FGD5: variants seen among roughly 807,000 people sequenced by gnomAD.
The protein encoded by FGD5 is FYVE, RhoGEF and PH domain containing 5.
FGD5 carries 28 observed loss-of-function variants against 133.4 expected under a neutral mutation model. The observed-to-expected ratio is 0.21, with a 90% CI of 0.16 to 0.29. FGD5 has a LOEUF of 0.29. Among genes scored for constraint, FGD5 ranks in the 10% least tolerant of loss-of-function variants. FGD5 has a pLI of 1.00. For missense variants in FGD5, 1,858 were observed against 1,895.2 expected (o/e 0.98, Z 0.36); for synonymous variants, 810 against 776.5 (o/e 1.04, Z -0.72).
At chr3:14,826,105 C>T (rs1271795672) in intron 1 of FGD5, among the ~76,000 whole-genome samples, 1 of 152,194 alleles carries the variant, frequency 6.6e-6, no homozygotes, top group African/African-American at 2.4e-5. Flanking sequence ...TATACATCAG[C>T]ACAGATCCCT....
intron 4 of FGD5, among the ~76,000 whole-genome samples, chr3:14,881,542 C>T (rs763793363): frequency 1.3e-5 from 2 of 152,134 alleles, no homozygotes; most frequent in Non-Finnish European, 2.9e-5. Flanking sequence ...TAGGCCATAG[C>T]GAAGCGTGAG....
At chr3:14,827,980 A>G (rs2036634941) in intron 1 of FGD5, among the ~76,000 whole-genome samples, 1 of 152,196 alleles carries the variant, frequency 6.6e-6, no homozygotes. Flanking sequence ...CTCGAATTAC[A>G]TGCCCAGGAG....
At position 14,910,940 on chromosome 3, in the gene FGD5, G is replaced by A. The variant is rs113256802; in HGVS notation, c.3405+11G>A. ...CGGCACCTATTTCTGGTAAGTGCCC[G>A]GTCCCCAAGCCCAGCTCAGGAACTG... On this transcript the variant is annotated intron_variant, in intron 11 of 19. Transcript: ENST00000285046. 733 of 1,608,712 alleles carry A rather than the reference G, an allele frequency of 4.6e-4. 2 individuals are homozygous for A. In the African/African-American group the frequency reaches 7.3e-3, roughly 16 times the overall value.
intron 2 of FGD5, among the ~76,000 whole-genome samples, chr3:14,871,084 A>T (rs2037598526): frequency 6.6e-6 from 1 of 152,136 alleles, no homozygotes; most frequent in Admixed American, 6.5e-5. Flanking sequence ...GGCTGGCTAC[A>T]GGTCTCAATT....
At position 14,932,694 on chromosome 3, in the gene FGD5, T is replaced by A; in HGVS notation, c.4315T>A (p.Tyr1439Asn). ...CCTTTACCACAAGAAAACCCTATTT[T>A]ATAGCTTCAAAGCAGAAGATACCAA... Reference protein sequence around the residue: ...FHLYHKKTLFYSFKAEDTNSA... With the variant: ...FHLYHKKTLFNSFKAEDTNSA... The change falls in exon 19 of 20, where the codon TAT becomes AAT. Residue 1439 changes from tyrosine to asparagine, a missense_variant. Tyr to Asn is a moderately radical substitution (Grantham distance 143). Coordinates refer to ENST00000285046, the MANE Select transcript of FGD5 (RefSeq NM_152536.4). 1 of 1,613,990 alleles carries A rather than the reference T, an allele frequency of 6.2e-7. No homozygotes were observed. Among genetic ancestry groups the A allele is most frequent in the Non-Finnish European group, 8.5e-7 (1 of 1,179,888 alleles).
rs916491134 is a variant in FGD5 at position 14,920,639 on chromosome 3, A to G, written c.3570-1279A>G. 7.2e-5 allele frequency among the ~76,000 whole-genome samples: 11 copies of G among 152,218 alleles called. 1 individual carries two copies. Among genetic ancestry groups the G allele is most frequent in the Admixed American group, 6.5e-4 (10 of 15,290 alleles). On this transcript the variant is annotated intron_variant, in intron 13 of 19. Transcript: ENST00000285046. ...ATGCAGGGCAGTAACTGCTGTAACA[A>G]TTAATAGTGGTAATGACAGCAGTAA...
Position 14,820,971 on chromosome 3 carries a change from C to T in FGD5, c.1900C>T (p.Pro634Ser), listed in dbSNP as rs141279085. ...ITKKPITKSS[P>S]SLLIESDSPD... is the part of the protein sequence containing the mutation. ...CAAGAAGCCCATCACAAAGAGCTCT[C>T]CCTCACTCCTGATCGAGAGCGACTC... The change falls in exon 1 of 20, where the codon CCC becomes TCC. Residue 634 changes from proline (P) to serine (S), a missense_variant. Coordinates refer to ENST00000285046, the MANE Select transcript of FGD5 (RefSeq NM_152536.4). The T allele has an allele frequency of 6.2e-7, 1 of 1,613,902 alleles. No individual in the cohort carries two copies. The highest frequency in any genetic ancestry group is 1.7e-5 in the Admixed American group (1 of 60,020).
In FGD5 at chr3:14,917,144, A is replaced by C; in HGVS notation, c.3406-105A>C. 1 of 988,364 alleles carries C rather than the reference A, an allele frequency of 1.0e-6. No individual in the cohort carries two copies. The highest frequency in any genetic ancestry group is 1.5e-6 in the Non-Finnish European group (1 of 671,910). The allele number at this position is 988,364 out of a possible 1,614,324, so 61.2% of individuals were successfully genotyped here. A position where few individuals can be genotyped will look rare whatever the true frequency, so the allele number is the denominator to read the frequency against. ...GCTCACCTGTGGGGGTTACTGAGGA[A>C]TACAAGATGCCTGTGCACAGCGGAG... is the stretch of plus-strand genomic sequence containing the variant. On this transcript the variant is annotated intron_variant, in intron 11 of 19. Coordinates refer to ENST00000285046, the MANE Select transcript of FGD5 (RefSeq NM_152536.4). This position sits in a 1 kb window ranked among gnomAD's most constrained non-coding sequence, Gnocchi z 4.1.
intron 4 of FGD5, among the ~76,000 whole-genome samples, chr3:14,894,656 C>G (rs1053284898): frequency 2.0e-5 from 3 of 149,386 alleles, no homozygotes; most frequent in African/African-American, 7.4e-5. Flanking sequence ...GCTGAGACCA[C>G]AGGTGCAGGT....
chr3:14,913,269 C>A (rs1296179924), intron 11 of FGD5, among the ~76,000 whole-genome samples: 2 of 152,180 alleles, frequency 1.3e-5, no homozygotes, highest in African/African-American at 2.4e-5. Context: ...GTAGAAGCCG[C>A]TTATCTGATA....
At chr3:14,828,590 C>T (rs997740656) in intron 1 of FGD5, among the ~76,000 whole-genome samples, 5 of 152,090 alleles carry the variant, frequency 3.3e-5, no homozygotes, top group Admixed American at 1.3e-4. Flanking sequence ...TCACTCAGTC[C>T]GCTAGCGTTC....
intron 1 of FGD5, among the ~76,000 whole-genome samples, chr3:14,849,178 C>T (rs2037114027): frequency 6.6e-6 from 1 of 152,176 alleles, no homozygotes; most frequent in Non-Finnish European, 1.5e-5. Context: ...TGATGGATTC[C>T]CTCTGCGTCC....
In FGD5 at chr3:14,902,222, C is replaced by T. The variant is rs569734068; in HGVS notation, c.3264+1161C>T. Among the ~76,000 whole-genome samples the T allele has an allele frequency of 2.0e-5, 3 of 149,736 alleles. No individual in the cohort carries two copies. The East Asian group carries it at 5.9e-4, about 29-fold the overall frequency. On this transcript the variant is annotated intron_variant, in intron 9 of 19. Coordinates refer to ENST00000285046, the MANE Select transcript of FGD5 (RefSeq NM_152536.4). ...GCTTGAACCTGGGAGGCGAAGGTTG[C>T]AGTGACCCGAGACCATGGCATTGCA... is the stretch of plus-strand genomic sequence containing the variant.
intron 2 of FGD5, among the ~76,000 whole-genome samples, chr3:14,877,845 A>G (rs293920): frequency 0.16 from 24,413 of 152,084 alleles, 2,335 homozygotes; most frequent in East Asian, 0.39. Flanking sequence ...GACATTTTTG[A>G]TTGTCACAGT....
Position 14,820,648 on chromosome 3 carries a change from TG to T in FGD5, c.1579del (p.Glu527ArgfsTer50). 1 of 1,602,250 alleles carries T rather than the reference TG, an allele frequency of 6.2e-7. No individual in the cohort carries two copies. Among genetic ancestry groups the T allele is most frequent in the Non-Finnish European group, 8.5e-7 (1 of 1,174,810 alleles). On this transcript the variant is annotated frameshift_variant, in exon 1 of 20. Coordinates refer to ENST00000285046, the MANE Select transcript of FGD5 (RefSeq NM_152536.4). LOFTEE classifies it high-confidence loss of function. ...GAGGTGGGAAAGACGCTTTTGTCAT[TG>T]GAGGGGAAGCCCTTGGAAGCCAGCA... is the stretch of plus-strand genomic sequence containing the variant. ...AEEVGKTLLSLEGKPLEASRA... is the reference protein window; with the variant it reads ...AEEVGKTLLSXEGKPLEASRA...
At chr3:14,845,536 C>G (rs1235610450) in intron 1 of FGD5, among the ~76,000 whole-genome samples, 1 of 152,132 alleles carries the variant, frequency 6.6e-6, no homozygotes, top group Non-Finnish European at 1.5e-5. Flanking sequence ...AGAAGTTTCC[C>G]TGAACTAAGA....
At chr3:14,916,534 C>A (rs2038557701) in intron 11 of FGD5, among the ~76,000 whole-genome samples, 1 of 152,204 alleles carries the variant, frequency 6.6e-6, no homozygotes, top group Non-Finnish European at 1.5e-5. Flanking sequence ...TCTCCCAACC[C>A]TTCCTTAGCT....
At position 14,820,519 on chromosome 3, in the gene FGD5, G is replaced by C. The variant is rs377176725; in HGVS notation, c.1448G>C (p.Arg483Pro). The C allele has an allele frequency of 3.7e-6, 6 of 1,613,882 alleles. No individual in the cohort carries two copies. The highest frequency in any genetic ancestry group is 2.7e-5 in the African/African-American group (2 of 75,034). Residue 483 changes from arginine (R) to proline (P), a missense_variant, in exon 1 of 20, where the codon CGG becomes CCG. Coordinates refer to ENST00000285046, the MANE Select transcript of FGD5 (RefSeq NM_152536.4). ...AGGAAGAACACCAGCACGAGGGTCC[G>C]GCCCCACTCTGGGAAGGTGGCCGGC... Reference protein sequence around the residue: ...ADRKNTSTRVRPHSGKVAGYV... With the variant: ...ADRKNTSTRVPPHSGKVAGYV...
intron 12 of FGD5, among the ~76,000 whole-genome samples, chr3:14,918,206 C>T (rs1384372107): frequency 6.6e-6 from 1 of 152,202 alleles, no homozygotes; most frequent in Non-Finnish European, 1.5e-5. Flanking sequence ...GAAGTTAATT[C>T]TGGTGCAACA....
Sources: allele counts gnomAD v4.1 joint callset (sites outside exome capture counted in the v4.1 genomes callset), GRCh38; gene constraint gnomAD v4.1.1; non-coding constraint Gnocchi (gnomAD v3.1); transcripts MANE v1.5; gene names NCBI Gene and HGNC (gene_info 2026-07-23, HGNC 2026-07-21).